The following WNT7B variants were observed in gnomAD, a reference collection of about 807,000 sequenced individuals.
The protein encoded by WNT7B is Wnt family member 7B.
WNT7B carries 19 observed loss-of-function variants against 38.2 expected under a neutral mutation model. That is an observed-to-expected ratio of 0.50 (90% CI 0.35 to 0.73). The LOEUF is 0.73. WNT7B is among the 30% of genes least tolerant of loss of function. WNT7B has a pLI of 0.01. For missense variants in WNT7B, 423 were observed against 507.9 expected (o/e 0.83, Z 1.61); for synonymous variants, 243 against 209.3 (o/e 1.16, Z -1.39).
intron 1 of WNT7B, among the ~76,000 whole-genome samples, chr22:45,973,882 T>G (rs756652947): frequency 1.2e-3 from 127 of 109,308 alleles, no homozygotes; most frequent in Non-Finnish European, 2.1e-3. Flanking sequence ...TGGCTGCACG[T>G]GCCCAGGTGG....
rs965423787 is a variant in WNT7B at position 45,927,518 on chromosome 22, C to T, written c.570+3580G>A. The T allele has an allele frequency of 4.4e-5, 68 of 1,537,174 alleles. No individual in the cohort carries two copies. In the African/African-American group the frequency reaches 8.0e-4, roughly 18 times the overall value. On this transcript the variant is annotated intron_variant, in intron 3 of 3. Coordinates refer to ENST00000339464, the MANE Select transcript of WNT7B (RefSeq NM_058238.3). ...ACTTTATTTGGAAGTAGGGCCTTTA[C>T]AGATGTGGTCAAGGAAACAACGGAG...
At chr22:45,974,714 C>T (rs1446180998) in intron 1 of WNT7B, among the ~76,000 whole-genome samples, 4 of 152,158 alleles carry the variant, frequency 2.6e-5, no homozygotes, top group Admixed American at 1.3e-4. Flanking sequence ...ACTCTTACCC[C>T]CTCCCAGAGG....
At chr22:45,946,476 C>T (rs545986791) in intron 2 of WNT7B, among the ~76,000 whole-genome samples, 17 of 152,320 alleles carry the variant, frequency 1.1e-4, no homozygotes, top group South Asian at 4.1e-4. Flanking sequence ...GCTGCCCCTT[C>T]GTTCTCCTGC....
chr22:45,952,214 G>A (rs1173867990), intron 1 of WNT7B, among the ~76,000 whole-genome samples: 3 of 152,208 alleles, frequency 2.0e-5, no homozygotes, highest in Non-Finnish European at 4.4e-5. Context: ...CCTACTGCCC[G>A]CCCGCCCTTT....
rs957846773 is a variant in WNT7B at position 45,951,071 on chromosome 22, A to ATTTG, written c.72-929_72-926dup. On this transcript the variant is annotated intron_variant, in intron 1 of 3. Transcript: ENST00000339464. This position sits in a 1 kb window ranked among gnomAD's most constrained non-coding sequence, Gnocchi z 4.8. ...ATATCAGCGGGATTGTCATTTGTTC[A>ATTTG]TTTGTTTGTTTGTTTTGAGACAGAG... Among the ~76,000 whole-genome samples the ATTTG allele has an allele frequency of 2.0e-5, 3 of 152,088 alleles. No homozygotes were observed. Among genetic ancestry groups the ATTTG allele is most frequent in the Non-Finnish European group, 4.4e-5 (3 of 68,028 alleles).
At chr22:45,962,898 G>A (rs1216260871) in intron 1 of WNT7B, among the ~76,000 whole-genome samples, 5 of 152,376 alleles carry the variant, frequency 3.3e-5, no homozygotes, top group Non-Finnish European at 5.9e-5. Context: ...GGAGAGAGCT[G>A]GCAGGCCCCA....
chr22:45,929,535 CTCATCCTTCCAA>C (rs1292789245), intron 3 of WNT7B, among the ~76,000 whole-genome samples: 1 of 140,906 alleles, frequency 7.1e-6, no homozygotes, highest in Non-Finnish European at 1.5e-5. Context: ...TTTCCACCCA[CTCATCCTTCCAA>C]CCATCCTTCC....
Position 45,923,007 on chromosome 22 carries a change from C to G in WNT7B, c.899G>C (p.Gly300Ala). ...GCACATGGTGTCACAGCCGTCCGCGCCGGGCGACGTGCGGTTGCAGAGACG... is the reference window on the plus strand; with the variant it reads ...GCACATGGTGTCACAGCCGTCCGCGGCGGGCGACGTGCGGTTGCAGAGACG... ...QGRLCNRTSP[G>A]ADGCDTMCCG... The change falls in exon 4 of 4, where the codon GGC becomes GCC. Residue 300 changes from glycine (G) to alanine (A), a missense_variant. By Grantham distance (60) the Gly-to-Ala change is moderately conservative (BLOSUM62 0). Transcript: ENST00000339464. 6.2e-7 allele frequency: 1 copy of G among 1,613,008 alleles called. No individual in the cohort carries two copies. Among genetic ancestry groups the G allele is most frequent in the Middle Eastern group, 1.6e-4 (1 of 6,062 alleles).
rs1023578148 is a variant in WNT7B, at chr22:45,926,473, T to C, written c.571-3138A>G. On this transcript the variant is annotated intron_variant, in intron 3 of 3. Coordinates refer to ENST00000339464, the MANE Select transcript of WNT7B (RefSeq NM_058238.3). ...CAGAATAAGGGTGTAGCCTGTGCTC[T>C]GGAAACAGTGCTCAGTTACAGCCAG... 5.1e-6 allele frequency: 5 copies of C among 985,258 alleles called. No homozygotes were observed. The African/African-American group carries it at 7.0e-5, about 14-fold the overall frequency. The allele number at this position is 985,258 out of a possible 1,614,324, so 61.0% of individuals were successfully genotyped here.
In WNT7B at chr22:45,931,389, C is replaced by T. The variant is rs758823991; in HGVS notation, c.299-20G>A. ...GGCTCCCTGCGGGGACAGACAGGTG[C>T]AGAAGGTGAGACCCCAGGCCCTGGG... On this transcript the variant is annotated intron_variant, in intron 2 of 3. Coordinates refer to ENST00000339464, the MANE Select transcript of WNT7B (RefSeq NM_058238.3). The T allele has an allele frequency of 5.7e-6, 9 of 1,568,178 alleles. No individual in the cohort carries two copies. Among genetic ancestry groups the T allele is most frequent in the East Asian group, 4.5e-5 (2 of 44,324 alleles).
intron 2 of WNT7B, among the ~76,000 whole-genome samples, chr22:45,943,392 C>T (rs1487003074): frequency 6.6e-6 from 1 of 152,266 alleles, no homozygotes; most frequent in Non-Finnish European, 1.5e-5. Flanking sequence ...GGCCCTCACA[C>T]GCCAAGCGGC....
chr22:45,949,465 G>C (rs1359631440), intron 2 of WNT7B, among the ~76,000 whole-genome samples: 1 of 152,150 alleles, frequency 6.6e-6, no homozygotes, highest in Non-Finnish European at 1.5e-5. Context: ...AGCACTTCCT[G>C]TGCCCCAACT....
At chr22:45,964,037 C>T in intron 1 of WNT7B, among the ~76,000 whole-genome samples, 1 of 152,226 alleles carries the variant, frequency 6.6e-6, no homozygotes, top group South Asian at 2.1e-4. Flanking sequence ...CATGTGCAAT[C>T]TGCAGCCCTC....
intron 3 of WNT7B, among the ~76,000 whole-genome samples, chr22:45,924,590 G>C (rs560026849): frequency 9.5e-4 from 144 of 152,268 alleles, no homozygotes; most frequent in Non-Finnish European, 1.2e-3. Flanking sequence ...CAACATGAGC[G>C]AAGGTCTGGA....
Position 45,923,013 on chromosome 22 carries a change from G to A in WNT7B, c.893C>T (p.Ser298Leu), listed in dbSNP as rs759406839. Residue 298 changes from serine to leucine, a missense_variant, in exon 4 of 4, where the codon TCG becomes TTG. This residue lies in a region of WNT7B where 158 missense variants were observed against 214.7 expected (regional missense o/e 0.74). Transcript: ENST00000339464. ...GTQGRLCNRTSPGADGCDTMC... is the reference protein window; with the variant it reads ...GTQGRLCNRTLPGADGCDTMC... ...GGTGTCACAGCCGTCCGCGCCGGGCGACGTGCGGTTGCAGAGACGGCCCTG... is the reference window on the plus strand; with the variant it reads ...GGTGTCACAGCCGTCCGCGCCGGGCAACGTGCGGTTGCAGAGACGGCCCTG... 16 of 1,612,840 alleles carry A rather than the reference G, an allele frequency of 9.9e-6. No homozygotes were observed. The highest frequency in any genetic ancestry group is 4.4e-5 in the South Asian group (4 of 91,068).
At chr22:45,950,358 C>T (rs967715021) in intron 1 of WNT7B, among the ~76,000 whole-genome samples, 1 of 152,242 alleles carries the variant, frequency 6.6e-6, no homozygotes, top group African/African-American at 2.4e-5. Context: ...CCAACTCACA[C>T]GCGTGACCCC....
Position 45,923,179 on chromosome 22 carries a change from C to T in WNT7B, c.727G>A (p.Ala243Thr). The change falls in exon 4 of 4, where the codon GCC becomes ACC. Residue 243 changes from alanine to threonine, a missense_variant. Coordinates refer to ENST00000339464, the MANE Select transcript of WNT7B (RefSeq NM_058238.3). ...NAAVQVEVVR[A>T]SRLRQPTFLR... is the part of the protein sequence containing the mutation. Reference sequence around the variant, plus strand: ...AAGGTGGGCTGCCGCAGACGGCTGGCCCGCACCACCTCCACCTGCACGGCC... The same window carrying T: ...AAGGTGGGCTGCCGCAGACGGCTGGTCCGCACCACCTCCACCTGCACGGCC... The T allele has an allele frequency of 1.2e-6, 2 of 1,613,110 alleles. No individual in the cohort carries two copies. Among genetic ancestry groups the T allele is most frequent in the Non-Finnish European group, 1.7e-6 (2 of 1,179,998 alleles).
At chr22:45,929,800 C>T (rs1336235624) in intron 3 of WNT7B, among the ~76,000 whole-genome samples, 2 of 150,826 alleles carry the variant, frequency 1.3e-5, no homozygotes, top group African/African-American at 2.5e-5. Context: ...ATCCACTCAA[C>T]CATCTACCCA....
At chr22:45,971,508 C>T (rs1010434027) in intron 1 of WNT7B, among the ~76,000 whole-genome samples, 1 of 152,208 alleles carries the variant, frequency 6.6e-6, no homozygotes, top group African/African-American at 2.4e-5. Context: ...GCCCACGCTC[C>T]GCGCTCTCCC....
Sources: allele counts gnomAD v4.1 joint callset (sites outside exome capture counted in the v4.1 genomes callset), GRCh38; gene constraint gnomAD v4.1.1; regional missense constraint gnomAD v4.1.1; non-coding constraint Gnocchi (gnomAD v3.1); transcripts MANE v1.5; gene names NCBI Gene and HGNC (gene_info 2026-07-23, HGNC 2026-07-21).